The following EEIG2 variants were observed in gnomAD, a reference collection of about 807,000 sequenced individuals.
EEIG2 encodes the protein EEIG family member 2, also known as family with sequence similarity 102 member B.
At chr1:108,620,031 C>CAT in the EEIG2 span, among the ~76,000 whole-genome samples, 1 of 152,188 alleles carries the variant, frequency 6.6e-6, no homozygotes. Flanking sequence ...GATCATGAAA[C>CAT]CAGTTTTAAA....
chr1:108,591,981 TAA>T, the EEIG2 span, among the ~76,000 whole-genome samples: 6 of 152,254 alleles, frequency 3.9e-5, no homozygotes, highest in East Asian at 9.6e-4. Context: ...GGCTTAATCA[TAA>T]AGAGGCCCCA....
the EEIG2 span, among the ~76,000 whole-genome samples, chr1:108,562,288 C>T: frequency 6.6e-5 from 10 of 152,128 alleles, no homozygotes; most frequent in Non-Finnish European, 1.5e-4. Context: ...GAATAGGGAG[C>T]TTCCTAATGA....
the EEIG2 span, among the ~76,000 whole-genome samples, chr1:108,619,713 CCT>C: frequency 3.3e-3 from 509 of 152,178 alleles, 4 homozygotes; most frequent in African/African-American, 0.012. Flanking sequence ...ATGGTGAAAC[CCT>C]GTCTCTACCA....
the EEIG2 span, among the ~76,000 whole-genome samples, chr1:108,601,262 TTGTGTGTGTGTGTATGTGTTTGTGCG>T: frequency 6.6e-6 from 1 of 151,424 alleles, no homozygotes; most frequent in East Asian, 1.9e-4. Context: ...AACTTTCTGT[TTGTGTGTGTGTGTATGTGTTTGTGCG>T]TGTGTGTGTG....
chr1:108,630,195 C>T, the EEIG2 span, among the ~76,000 whole-genome samples: 1 of 152,156 alleles, frequency 6.6e-6, no homozygotes, highest in African/African-American at 2.4e-5. Context: ...AGTCAATGAT[C>T]TTATCTTTTC....
the EEIG2 span, among the ~76,000 whole-genome samples, chr1:108,587,056 G>A: frequency 6.6e-6 from 1 of 151,926 alleles, no homozygotes; most frequent in Non-Finnish European, 1.5e-5. Context: ...ATTCAGAAAG[G>A]GTACCTGGGT....
the EEIG2 span, chr1:108,612,052 C>A: frequency 1.7e-6 from 1 of 585,814 alleles, no homozygotes; most frequent in South Asian, 3.1e-5. Context: ...TATTAAGAGT[C>A]AAAAATTGCA....
the EEIG2 span, among the ~76,000 whole-genome samples, chr1:108,595,450 GAGGAAGGATGGA>G: frequency 2.9e-5 from 4 of 135,748 alleles, no homozygotes; most frequent in African/African-American, 1.1e-4. Flanking sequence ...GGGAGGGAAG[GAGGAAGGATGGA>G]AGGAAGGGAG....
the EEIG2 span, among the ~76,000 whole-genome samples, chr1:108,584,886 C>G: frequency 6.6e-6 from 1 of 152,062 alleles, no homozygotes; most frequent in Non-Finnish European, 1.5e-5. Flanking sequence ...ATAGAAATAG[C>G]TTTAGAAATA....
At chr1:108,610,726 C>T in the EEIG2 span, among the ~76,000 whole-genome samples, 9 of 152,056 alleles carry the variant, frequency 5.9e-5, no homozygotes, top group African/African-American at 1.7e-4. Flanking sequence ...GTCAGGAGAT[C>T]GAGACCATCC....
At chr1:108,568,945 A>G in the EEIG2 span, among the ~76,000 whole-genome samples, 1 of 152,306 alleles carries the variant, frequency 6.6e-6, no homozygotes, top group South Asian at 2.1e-4. Flanking sequence ...GAAACACTGA[A>G]TTAGAATAAA....
the EEIG2 span, among the ~76,000 whole-genome samples, chr1:108,616,593 C>A: frequency 6.6e-6 from 1 of 152,094 alleles, no homozygotes; most frequent in African/African-American, 2.4e-5. Flanking sequence ...TTATGTTTAC[C>A]TATTACCAAA....
chr1:108,623,391 G>A, the EEIG2 span, among the ~76,000 whole-genome samples: 6 of 152,214 alleles, frequency 3.9e-5, no homozygotes, highest in East Asian at 9.7e-4. Context: ...GCTAACTGGG[G>A]GACTAAGGAA....
the EEIG2 span, among the ~76,000 whole-genome samples, chr1:108,586,866 TA>T: frequency 6.6e-6 from 1 of 152,204 alleles, no homozygotes; most frequent in Non-Finnish European, 1.5e-5. Context: ...TTAGAATATT[TA>T]GAAAGAATAA....
At chr1:108,610,561 T>C in the EEIG2 span, among the ~76,000 whole-genome samples, 1 of 152,184 alleles carries the variant, frequency 6.6e-6, no homozygotes, top group Non-Finnish European at 1.5e-5. Context: ...ATGTAAGTAT[T>C]CACATGCCCA....
the EEIG2 span, among the ~76,000 whole-genome samples, chr1:108,603,255 G>A: frequency 3.3e-5 from 5 of 152,154 alleles, no homozygotes; most frequent in African/African-American, 1.2e-4. Flanking sequence ...AAGAAACTGA[G>A]CACAAAAGAA....
chr1:108,582,185 ACTAAAATAT>A, the EEIG2 span, among the ~76,000 whole-genome samples: 18 of 152,322 alleles, frequency 1.2e-4, 2 homozygotes, highest in African/African-American at 4.3e-4. Context: ...CACTTAATAG[ACTAAAATAT>A]AGTGTAGACA....
At chr1:108,623,910 G>C in the EEIG2 span, among the ~76,000 whole-genome samples, 1 of 151,964 alleles carries the variant, frequency 6.6e-6, no homozygotes, top group East Asian at 1.9e-4. Flanking sequence ...GACCTCAGGT[G>C]ATCCACCCGC....
chr1:108,629,384 A>C, the EEIG2 span, among the ~76,000 whole-genome samples: 1 of 152,240 alleles, frequency 6.6e-6, no homozygotes, highest in South Asian at 2.1e-4. Context: ...AGTTAAAAGA[A>C]AAAGAGTTTT....
Sources: gnomAD v4.1 joint callset for allele counts (sites outside exome capture counted in the v4.1 genomes callset) on GRCh38, gnomAD v4.1.1 for gene constraint, MANE v1.5 for transcripts, NCBI Gene and HGNC (gene_info 2026-07-23, HGNC 2026-07-21) for gene names.